CTNNA2: variants seen among roughly 807,000 people sequenced by gnomAD.
The protein encoded by CTNNA2 is catenin alpha-2.
A neutral mutation model predicts 101.0 loss-of-function variants in CTNNA2; 42 were observed. That is an observed-to-expected ratio of 0.42 (90% CI 0.32 to 0.54). The LOEUF is 0.54. Among genes scored for constraint, CTNNA2 ranks in the 20% least tolerant of loss-of-function variants. The pLI is 0.14. For missense variants in CTNNA2, 871 were observed against 1,223.1 expected, an observed-to-expected ratio of 0.71 and a Z score of 4.29; for synonymous variants, 450 against 456.4, an observed-to-expected ratio of 0.99 and a Z score of 0.18.
Position 80,638,480 on chromosome 2 carries a change from G to GAGTA in CTNNA2, c.2575-9100_2575-9097dup, listed in dbSNP as rs913007103. Among the ~76,000 whole-genome samples, 232 of 152,270 alleles carry GAGTA rather than the reference G, an allele frequency of 1.5e-3. 3 individuals are homozygous for GAGTA. Among genetic ancestry groups the GAGTA allele is most frequent in the African/African-American group, 5.4e-3 (224 of 41,552 alleles). On this transcript the variant is annotated intron_variant, in intron 18 of 18. Transcript: ENST00000402739. The stretch of plus-strand genomic sequence containing the variant: ...GGGTGCTGAAAGGAAGGCAAGGAAA[G>GAGTA]AGTAAGTATAGGAAAAGAAGGTGGG...
chr2:79,244,048 T>C (rs1336597304), intron 2 of CTNNA2, among the ~76,000 whole-genome samples: 1 of 152,194 alleles, frequency 6.6e-6, no homozygotes, highest in East Asian at 1.9e-4. Flanking sequence ...ACTGCTGTTT[T>C]ATGCCCTCTC....
At chr2:80,413,018 G>A (rs753679216) in intron 8 of CTNNA2, among the ~76,000 whole-genome samples, 4 of 152,162 alleles carry the variant, frequency 2.6e-5, no homozygotes, top group Non-Finnish European at 4.4e-5. Context: ...CAATGGTATG[G>A]ATAGAAGGAG....
intron 1 of CTNNA2, among the ~76,000 whole-genome samples, chr2:79,624,100 A>T (rs1482196412): frequency 6.6e-6 from 1 of 151,952 alleles, no homozygotes; most frequent in African/African-American, 2.4e-5. Context: ...TTGCAGGGGA[A>T]CTTCCCCATT....
chr2:79,645,703 G>T (rs1430141936), intron 1 of CTNNA2, among the ~76,000 whole-genome samples: 1 of 152,110 alleles, frequency 6.6e-6, no homozygotes, highest in Non-Finnish European at 1.5e-5. Flanking sequence ...ACATTGCAAA[G>T]AAGAAAAACC....
chr2:79,915,798 A>C lies in CTNNA2; in HGVS notation c.1056+6001A>C, dbSNP rs866681278. Among the ~76,000 whole-genome samples, 14 of 152,250 alleles carry C rather than the reference A, an allele frequency of 9.2e-5. 1 individual carries two copies. Among genetic ancestry groups the C allele is most frequent in the Middle Eastern group, 3.4e-3 (1 of 294 alleles). ...TTCTATATAAATCTGATTTTTATCT[A>C]TCAGAATTTATTTAAGTTGGCTGTA... On this transcript the variant is annotated intron_variant, in intron 7 of 18. Transcript: ENST00000402739.
At chr2:79,416,257 CTTT>C (rs66830925) in intron 4 of CTNNA2, among the ~76,000 whole-genome samples, 12 of 94,608 alleles carry the variant, frequency 1.3e-4, no homozygotes, top group African/African-American at 2.1e-4. Context: ...CTTTCCTTTT[CTTT>C]TTTTTTTTTT....
chr2:80,569,826 T>A (rs1460929795), intron 12 of CTNNA2, among the ~76,000 whole-genome samples: 15 of 151,180 alleles, frequency 9.9e-5, no homozygotes, highest in Non-Finnish European at 1.5e-5. Flanking sequence ...GTATTTTTAG[T>A]AGAGACGGGG....
intron 1 of CTNNA2, among the ~76,000 whole-genome samples, chr2:79,554,820 GTTTTCTT>G (rs1558725608): frequency 1.3e-5 from 2 of 152,108 alleles, no homozygotes; most frequent in Non-Finnish European, 2.9e-5. Context: ...CATGGTCATA[GTTTTCTT>G]ATGTTTGTTT....
intron 4 of CTNNA2, among the ~76,000 whole-genome samples, chr2:79,424,881 A>AT (rs1238279349): frequency 1.3e-5 from 2 of 152,138 alleles, no homozygotes; most frequent in Non-Finnish European, 2.9e-5. Flanking sequence ...TGTAGGTATA[A>AT]TTTTTTAGAA....
At chr2:79,186,244 C>T (rs1037127159) in intron 1 of CTNNA2, among the ~76,000 whole-genome samples, 2 of 152,134 alleles carry the variant, frequency 1.3e-5, no homozygotes, top group Non-Finnish European at 2.9e-5. Flanking sequence ...TAAATACCAA[C>T]ATTTTGAGAA....
chr2:79,762,896 C>T (rs575269461), intron 3 of CTNNA2, among the ~76,000 whole-genome samples: 32 of 152,218 alleles, frequency 2.1e-4, no homozygotes, highest in South Asian at 2.1e-3. Flanking sequence ...ATTTTGATTT[C>T]GAATGAGTAT....
rs1011542316 is a variant in CTNNA2 at position 79,687,592 on chromosome 2, A to C, written c.102+35934A>C. ...ATTTTTTTTTCCACCGGATATTTCAAATGAAAATCACATAAATCTGTATTG... is the reference window on the plus strand; with the variant it reads ...ATTTTTTTTTCCACCGGATATTTCACATGAAAATCACATAAATCTGTATTG... On this transcript the variant is annotated intron_variant, in intron 2 of 18. Coordinates refer to ENST00000402739, the MANE Select transcript of CTNNA2 (RefSeq NM_001282597.3). 7 of 706,934 alleles carry C rather than the reference A, an allele frequency of 9.9e-6. No individual in the cohort carries two copies. In the African/African-American group the frequency reaches 1.2e-4, roughly 12 times the overall value. The allele number at this position is 706,934 out of a possible 1,614,324, so 43.8% of individuals were successfully genotyped here.
At chr2:80,348,838 G>A (rs577600613) in intron 7 of CTNNA2, among the ~76,000 whole-genome samples, 4 of 152,208 alleles carry the variant, frequency 2.6e-5, no homozygotes, top group East Asian at 1.9e-4. Flanking sequence ...TGTTAGGTGC[G>A]CTGGGTAGGG....
chr2:80,079,556 C>G (rs1454759269), intron 7 of CTNNA2, among the ~76,000 whole-genome samples: 1 of 152,116 alleles, frequency 6.6e-6, no homozygotes, highest in Non-Finnish European at 1.5e-5. Flanking sequence ...GGCTCACGCC[C>G]GCAGTCCCAG....
chr2:80,309,511 A>C (rs1042475023), intron 7 of CTNNA2, among the ~76,000 whole-genome samples: 1 of 152,164 alleles, frequency 6.6e-6, no homozygotes, highest in Non-Finnish European at 1.5e-5. Flanking sequence ...GAATAAAAAG[A>C]CCTTGTTGGG....
intron 3 of CTNNA2, among the ~76,000 whole-genome samples, chr2:79,781,835 A>G (rs1674451916): frequency 6.6e-6 from 1 of 152,180 alleles, no homozygotes. Flanking sequence ...TTAGTCCAAA[A>G]TCATACATTT....
At chr2:80,073,002 A>T (rs1281879558) in intron 7 of CTNNA2, among the ~76,000 whole-genome samples, 1 of 152,204 alleles carries the variant, frequency 6.6e-6, no homozygotes, top group Non-Finnish European at 1.5e-5. Flanking sequence ...TAAAGGAAAA[A>T]ACTGGTTTTC....
At chr2:79,244,693 CTG>C (rs1216225499) in intron 2 of CTNNA2, among the ~76,000 whole-genome samples, 1 of 152,212 alleles carries the variant, frequency 6.6e-6, no homozygotes, top group Non-Finnish European at 1.5e-5. Flanking sequence ...TTGTTCACTG[CTG>C]TCTCTTGCAG....
chr2:80,335,163 A>G (rs529376579), intron 7 of CTNNA2, among the ~76,000 whole-genome samples: 1 of 152,354 alleles, frequency 6.6e-6, no homozygotes, highest in African/African-American at 2.4e-5. Context: ...GAAAACTTTC[A>G]TTAGAGCCCG....
Sources: gnomAD v4.1 joint callset for allele counts (sites outside exome capture counted in the v4.1 genomes callset) on GRCh38, gnomAD v4.1.1 for gene constraint, MANE v1.5 for transcripts, NCBI Gene and HGNC (gene_info 2026-07-23, HGNC 2026-07-21) for gene names.